The following NCKAP5 variants were observed in gnomAD, a reference collection of about 807,000 sequenced individuals.
NCKAP5 encodes NCK associated protein 5, also known as nck-associated protein 5.
NCKAP5 carries 92 observed loss-of-function variants against 167.0 expected under a neutral mutation model. The ratio of observed to expected loss-of-function variants is 0.55; its 90% CI spans 0.47 to 0.66. The LOEUF is 0.66. Among genes scored for constraint, NCKAP5 ranks in the 30% least tolerant of loss-of-function variants. The pLI is 0.00. For synonymous variants in NCKAP5, 891 were observed against 877.4 expected (o/e 1.02, Z -0.27); for missense variants, 2,378 against 2,315.0 (o/e 1.03, Z -0.56).
At chr2:133,215,779 T>C (rs2086401865) in intron 4 of NCKAP5, among the ~76,000 whole-genome samples, 1 of 152,108 alleles carries the variant, frequency 6.6e-6, no homozygotes, top group Admixed American at 6.6e-5. Context: ...TCCTATACCA[T>C]TTGATAAGAC....
chr2:133,492,345 AAAG>A (rs1681541263), intron 3 of NCKAP5, among the ~76,000 whole-genome samples: 1 of 152,212 alleles, frequency 6.6e-6, no homozygotes, highest in Non-Finnish European at 1.5e-5. Flanking sequence ...GTATAGTTGT[AAAG>A]AAGATGTAGT....
intron 3 of NCKAP5, among the ~76,000 whole-genome samples, chr2:133,385,183 C>A (rs1322210490): frequency 1.3e-5 from 2 of 152,082 alleles, no homozygotes; most frequent in African/African-American, 4.8e-5. Flanking sequence ...GCCTGTGGGT[C>A]TGTCATAAAT....
intron 3 of NCKAP5, among the ~76,000 whole-genome samples, chr2:133,459,234 C>T (rs779723369): frequency 3.9e-5 from 6 of 152,110 alleles, no homozygotes; most frequent in Non-Finnish European, 5.9e-5. Flanking sequence ...TTGATAGAGA[C>T]GGGGTCTCAC....
intron 11 of NCKAP5, among the ~76,000 whole-genome samples, chr2:132,830,448 AGT>A (rs1344893755): frequency 1.3e-5 from 2 of 151,968 alleles, no homozygotes; most frequent in Non-Finnish European, 2.9e-5. Context: ...GCTGAGAGAA[AGT>A]CAGGAGGGTA....
In NCKAP5 at chr2:132,868,950, G is replaced by T; in HGVS notation, c.673C>A (p.Leu225Met). ...DEVANQVVQA[L>M]LTQKDLREEC... The stretch of plus-strand genomic sequence containing the variant: ...AAGTGACCTACCTTTTGAGTAAGCA[G>T]AGCTTGAACAACTTGGTTGGCTACC... The change falls in exon 10 of 20, where the codon CTG (leucine) becomes ATG (methionine). Residue 225 changes from leucine (L) to methionine (M), a missense_variant. Leu to Met is a conservative substitution (Grantham distance 15). Coordinates refer to ENST00000409261, the MANE Select transcript of NCKAP5 (RefSeq NM_207363.3). 1 of 1,547,828 alleles carries T rather than the reference G, an allele frequency of 6.5e-7. No homozygotes were observed. The highest frequency in any genetic ancestry group is 2.4e-5 in the East Asian group (1 of 41,294).
At chr2:133,187,965 C>T (rs895874525) in intron 5 of NCKAP5, among the ~76,000 whole-genome samples, 2 of 151,988 alleles carry the variant, frequency 1.3e-5, no homozygotes, top group Non-Finnish European at 2.9e-5. Context: ...AGCATTTAGC[C>T]CATTTACATT....
At chr2:133,239,430 T>C (rs2087575774) in intron 4 of NCKAP5, among the ~76,000 whole-genome samples, 1 of 152,170 alleles carries the variant, frequency 6.6e-6, no homozygotes, top group African/African-American at 2.4e-5. Context: ...TTCCGTGAAA[T>C]ACCACAACAT....
At chr2:133,255,455 C>G (rs1332266903) in intron 4 of NCKAP5, among the ~76,000 whole-genome samples, 3 of 152,168 alleles carry the variant, frequency 2.0e-5, no homozygotes, top group Non-Finnish European at 4.4e-5. Flanking sequence ...ATTTTCCCAC[C>G]CCATTGATCC....
intron 6 of NCKAP5, among the ~76,000 whole-genome samples, chr2:133,015,487 TC>T (rs2078300188): frequency 6.6e-6 from 1 of 151,720 alleles, no homozygotes; most frequent in African/African-American, 2.4e-5. Flanking sequence ...CCTTCCTTGA[TC>T]ACACGGCTCT....
At chr2:133,647,709 A>AGG in the NCKAP5 span, among the ~76,000 whole-genome samples, 219 of 24,846 alleles carry the variant, frequency 8.8e-3, 2 homozygotes, top group African/African-American at 0.025. Context: ...AAGGAAAGAA[A>AGG]AAGAAAGGAA....
chr2:133,516,259 A>C (rs538937219), intron 3 of NCKAP5, among the ~76,000 whole-genome samples: 46 of 152,328 alleles, frequency 3.0e-4, no homozygotes, highest in African/African-American at 1.1e-3. Flanking sequence ...ATACATATAC[A>C]CACAGAGACA....
chr2:132,835,148 T>G (rs999850832), intron 11 of NCKAP5, among the ~76,000 whole-genome samples: 40 of 152,232 alleles, frequency 2.6e-4, no homozygotes, highest in African/African-American at 9.4e-4. Flanking sequence ...CATCCTTGCA[T>G]CCCTGGTATA....
At chr2:133,069,101 C>A (rs933750324) in intron 6 of NCKAP5, among the ~76,000 whole-genome samples, 1 of 152,202 alleles carries the variant, frequency 6.6e-6, no homozygotes, top group East Asian at 1.9e-4. Context: ...CTTGAGAAAC[C>A]AATATTACAC....
At chr2:132,952,413 A>T (rs1322143952) in intron 8 of NCKAP5, among the ~76,000 whole-genome samples, 4 of 152,120 alleles carry the variant, frequency 2.6e-5, no homozygotes, top group African/African-American at 7.2e-5. Context: ...ATAAGCTTCT[A>T]CCTAAATCTG....
chr2:133,255,895 C>T lies in NCKAP5; in HGVS notation c.144-42116G>A, dbSNP rs776266126. On this transcript the variant is annotated intron_variant, in intron 4 of 19. Transcript: ENST00000409261. ...AATTAATGAACAAATTATGTGCAAACTCATAAGTATGAACTGACAGGGAGT... is the reference window on the plus strand; with the variant it reads ...AATTAATGAACAAATTATGTGCAAATTCATAAGTATGAACTGACAGGGAGT... Among the ~76,000 whole-genome samples the T allele has an allele frequency of 2.8e-4, 42 of 152,152 alleles. 1 individual carries two copies. The highest frequency in any genetic ancestry group is 5.9e-4 in the Non-Finnish European group (40 of 68,020).
chr2:133,109,928 T>C (rs982645607), intron 6 of NCKAP5, among the ~76,000 whole-genome samples: 1 of 152,166 alleles, frequency 6.6e-6, no homozygotes, highest in Non-Finnish European at 1.5e-5. Flanking sequence ...AGTAAATAAA[T>C]TATTCTGATT....
the NCKAP5 span, among the ~76,000 whole-genome samples, chr2:133,590,496 C>A: frequency 1.9e-3 from 284 of 147,428 alleles, no homozygotes; most frequent in Non-Finnish European, 3.4e-3. Context: ...TGCACTCCAG[C>A]CTGGGTGACA....
chr2:133,134,964 T>C (rs2082737878), intron 5 of NCKAP5, among the ~76,000 whole-genome samples: 1 of 152,306 alleles, frequency 6.6e-6, no homozygotes, highest in Non-Finnish European at 1.5e-5. Flanking sequence ...GTCGTTTACT[T>C]ACTTGGCCCA....
intron 6 of NCKAP5, among the ~76,000 whole-genome samples, chr2:133,100,595 G>A (rs995046820): frequency 6.6e-6 from 1 of 152,106 alleles, no homozygotes; most frequent in Admixed American, 6.5e-5. Context: ...TAAAAATTGG[G>A]TTGTAGCAAC....
Sources: gnomAD v4.1 joint callset for allele counts (sites outside exome capture counted in the v4.1 genomes callset) on GRCh38, gnomAD v4.1.1 for gene constraint, MANE v1.5 for transcripts, NCBI Gene and HGNC (gene_info 2026-07-23, HGNC 2026-07-21) for gene names.